Variants in ARHGAP26 observed in about 807,000 individuals in gnomAD.
The protein encoded by ARHGAP26 is Rho GTPase activating protein 26, also known as rho GTPase-activating protein 26.
ARHGAP26 carries 38 observed loss-of-function variants against 104.8 expected under a neutral mutation model. That is an observed-to-expected ratio of 0.36 (90% CI 0.28 to 0.48). The LOEUF (loss-of-function observed/expected upper bound fraction) is 0.48, where lower values mean the gene tolerates loss of function less well. ARHGAP26 is among the 20% of genes least tolerant of loss of function. ARHGAP26 has a pLI of 0.99. For missense variants in ARHGAP26, 704 were observed against 947.9 expected (o/e 0.74, Z 3.38); for synonymous variants, 341 against 340.0 (o/e 1.00, Z -0.03).
At chr5:143,027,960 A>G (rs1781308747) in intron 12 of ARHGAP26, among the ~76,000 whole-genome samples, 1 of 152,152 alleles carries the variant, frequency 6.6e-6, no homozygotes, top group South Asian at 2.1e-4. Context: ...CCGCTACTGG[A>G]ATAGAAATGG....
At chr5:143,073,918 A>G (rs1788625185) in intron 17 of ARHGAP26, among the ~76,000 whole-genome samples, 1 of 152,246 alleles carries the variant, frequency 6.6e-6, no homozygotes. Context: ...TGGGTAGGAC[A>G]GGACAGTCAA....
At chr5:143,013,203 A>C (rs1456636838) in intron 11 of ARHGAP26, among the ~76,000 whole-genome samples, 2 of 152,232 alleles carry the variant, frequency 1.3e-5, no homozygotes, top group Non-Finnish European at 2.9e-5. Context: ...GTAGGCTTGC[A>C]TTTCAGAAAA....
chr5:142,930,705 C>T (rs1441597800), intron 10 of ARHGAP26, among the ~76,000 whole-genome samples: 6 of 152,148 alleles, frequency 3.9e-5, no homozygotes, highest in African/African-American at 1.4e-4. Flanking sequence ...CACACATTCA[C>T]ACCCCTACCC....
chr5:142,866,794 A>G (rs1188820739), intron 1 of ARHGAP26: 1 of 152,212 alleles, frequency 6.6e-6, no homozygotes, highest in East Asian at 1.9e-4. Context: ...ATCAGAATGC[A>G]TGTTATGTAA....
At chr5:143,082,646 C>T (rs1789989213) in intron 17 of ARHGAP26, among the ~76,000 whole-genome samples, 1 of 152,218 alleles carries the variant, frequency 6.6e-6, no homozygotes, top group Non-Finnish European at 1.5e-5. Context: ...ATGTTTCTGG[C>T]TGAGTCTTGA....
intron 11 of ARHGAP26, among the ~76,000 whole-genome samples, chr5:142,988,845 G>C (rs1442636727): frequency 1.3e-5 from 2 of 152,126 alleles, no homozygotes; most frequent in Admixed American, 6.5e-5. Flanking sequence ...ATTGCATTGT[G>C]GTCTGAGAGA....
chr5:143,050,521 T>G, intron 14 of ARHGAP26, among the ~76,000 whole-genome samples: 1 of 152,234 alleles, frequency 6.6e-6, no homozygotes, highest in African/African-American at 2.4e-5. Flanking sequence ...ATGTCTGCAT[T>G]TCTTTTTTTA....
intron 10 of ARHGAP26, among the ~76,000 whole-genome samples, chr5:142,928,935 A>C (rs1764316259): frequency 1.3e-5 from 2 of 151,968 alleles, no homozygotes; most frequent in African/African-American, 4.8e-5. Flanking sequence ...ATTCCATATT[A>C]TCCTCCTTCT....
chr5:143,205,392 A>G (rs1442775992), intron 20 of ARHGAP26, among the ~76,000 whole-genome samples: 2 of 152,196 alleles, frequency 1.3e-5, no homozygotes, highest in East Asian at 1.9e-4. Flanking sequence ...GCCATCTGCT[A>G]TATGAATCCG....
chr5:142,992,419 ATTTAT>A (rs1031407832), intron 11 of ARHGAP26, among the ~76,000 whole-genome samples: 8 of 151,232 alleles, frequency 5.3e-5, no homozygotes, highest in African/African-American at 1.5e-4. Context: ...TTTTTTATTT[ATTTAT>A]TTTATTTTAT....
intron 1 of ARHGAP26, among the ~76,000 whole-genome samples, chr5:142,788,999 T>C (rs895308730): frequency 1.3e-5 from 2 of 152,236 alleles, no homozygotes; most frequent in Non-Finnish European, 2.9e-5. Flanking sequence ...CTTAGACAAC[T>C]AAAAAGTGCT....
chr5:142,945,107 C>T (rs538163252), intron 11 of ARHGAP26, among the ~76,000 whole-genome samples: 202 of 152,282 alleles, frequency 1.3e-3, no homozygotes, highest in African/African-American at 4.7e-3. Flanking sequence ...TGTTGTATTT[C>T]CCCCAGTGCT....
intron 17 of ARHGAP26, among the ~76,000 whole-genome samples, chr5:143,073,789 A>T (rs569988702): frequency 6.6e-6 from 1 of 152,326 alleles, no homozygotes; most frequent in South Asian, 2.1e-4. Flanking sequence ...TTGAATTTTT[A>T]TGAAATAACT....
At chr5:142,915,307 G>A (rs561844942) in intron 10 of ARHGAP26, among the ~76,000 whole-genome samples, 10 of 151,682 alleles carry the variant, frequency 6.6e-5, no homozygotes, top group Middle Eastern at 3.4e-3. Flanking sequence ...TCTGCATGGC[G>A]TGGAGAGATT....
intron 11 of ARHGAP26, among the ~76,000 whole-genome samples, chr5:142,952,595 C>G (rs1768567448): frequency 6.6e-6 from 1 of 152,116 alleles, no homozygotes; most frequent in Non-Finnish European, 1.5e-5. Context: ...CCTGACAGTT[C>G]TGTGGACCAT....
intron 1 of ARHGAP26, among the ~76,000 whole-genome samples, chr5:142,816,698 AGTGG>A (rs1358195398): frequency 1.3e-5 from 2 of 152,242 alleles, no homozygotes; most frequent in Non-Finnish European, 2.9e-5. Flanking sequence ...GCAGGGAAGC[AGTGG>A]GTGGTAAGTT....
At chr5:142,830,188 T>C (rs1295165217) in intron 1 of ARHGAP26, among the ~76,000 whole-genome samples, 1 of 152,168 alleles carries the variant, frequency 6.6e-6, no homozygotes, top group East Asian at 1.9e-4. Flanking sequence ...GGTTTGTAAA[T>C]CCAAATGGAG....
At chr5:143,100,152 A>G (rs1281586484) in intron 17 of ARHGAP26, among the ~76,000 whole-genome samples, 2 of 152,234 alleles carry the variant, frequency 1.3e-5, no homozygotes, top group African/African-American at 2.4e-5. Flanking sequence ...GGAAGAGGTC[A>G]TATTTGAAGA....
chr5:142,819,803 A>T (rs1765770696), intron 1 of ARHGAP26, among the ~76,000 whole-genome samples: 1 of 152,246 alleles, frequency 6.6e-6, no homozygotes, highest in Non-Finnish European at 1.5e-5. Context: ...AGTTTCTTAT[A>T]AAAATTTACA....
Sources: gnomAD v4.1 joint callset for allele counts (sites outside exome capture counted in the v4.1 genomes callset) on GRCh38, gnomAD v4.1.1 for gene constraint, MANE v1.5 for transcripts, NCBI Gene and HGNC (gene_info 2026-07-23, HGNC 2026-07-21) for gene names.